Variants in TOX2 observed in about 807,000 individuals in gnomAD.
TOX2 encodes the protein TOX high mobility group box family member 2.
A neutral mutation model predicts 47.4 loss-of-function variants in TOX2; 15 were observed. That is an observed-to-expected ratio of 0.32 (90% confidence interval 0.21 to 0.49). The LOEUF is 0.49. TOX2 is among the 20% of genes least tolerant of loss of function. The probability of loss-of-function intolerance (pLI) is 0.99; values close to 1 mark genes in which losing one functional copy is unlikely to be tolerated. For missense variants in TOX2, 622 were observed against 673.1 expected (o/e 0.92, Z 0.84); for synonymous variants, 290 against 296.6 (o/e 0.98, Z 0.23).
chr20:43,999,331 A>T (rs955302356), intron 2 of TOX2, among the ~76,000 whole-genome samples: 2 of 152,034 alleles, frequency 1.3e-5, no homozygotes, highest in African/African-American at 2.4e-5. Context: ...AATGGTGTAA[A>T]ATTTTTGCTT....
At chr20:44,034,243 T>C (rs950406116) in intron 3 of TOX2, among the ~76,000 whole-genome samples, 3 of 152,076 alleles carry the variant, frequency 2.0e-5, no homozygotes, top group African/African-American at 7.2e-5. Flanking sequence ...AGTTCAGTTT[T>C]TTTTTTTCCT....
intron 3 of TOX2, among the ~76,000 whole-genome samples, chr20:44,032,321 T>A (rs903683755): frequency 7.9e-5 from 12 of 152,198 alleles, no homozygotes; most frequent in Non-Finnish European, 5.9e-5. Context: ...CCCTGTGCAT[T>A]GCAGGATGTT....
rs565547415 is a variant in TOX2 at position 43,960,011 on chromosome 20, G to T, written c.100-13356G>T. On this transcript the variant is annotated intron_variant, in intron 1 of 8. Transcript: ENST00000341197. ...CTTCATTCCACCCCTTCCTAGCTGT[G>T]TGGCCTTGGGCAAGCTACATAACCT... Among the ~76,000 whole-genome samples, 8 of 152,280 alleles carry T rather than the reference G, an allele frequency of 5.3e-5. No individual in the cohort carries two copies. The South Asian group carries it at 1.7e-3, about 32-fold the overall frequency.
At chr20:43,984,041 A>G (rs1309840382) in intron 2 of TOX2, among the ~76,000 whole-genome samples, 1 of 152,188 alleles carries the variant, frequency 6.6e-6, no homozygotes, top group Non-Finnish European at 1.5e-5. Flanking sequence ...GCTTTAATTA[A>G]AACCTGGGTG....
chr20:44,061,963 A>T (rs2145788447), intron 5 of TOX2, among the ~76,000 whole-genome samples: 1 of 138,142 alleles, frequency 7.2e-6, no homozygotes, highest in East Asian at 2.0e-4. Context: ...ATCGGCATAG[A>T]AGGGACATAC....
At position 43,939,545 on chromosome 20, in the gene TOX2, C is replaced by T. The variant is rs183884680; in HGVS notation, c.99+24555C>T. ...AGGACGGATGCCAAGACTAGTGAGG[C>T]ATTTTAACAACATGAGGCTGGAATG... is the stretch of plus-strand genomic sequence containing the variant. On this transcript the variant is annotated intron_variant, in intron 1 of 8. Coordinates refer to ENST00000341197, the MANE Select transcript of TOX2 (RefSeq NM_001098797.2). 3.3e-5 allele frequency among the ~76,000 whole-genome samples: 5 copies of T among 152,272 alleles called. No individual in the cohort carries two copies. The East Asian group carries it at 9.7e-4, about 29-fold the overall frequency.
intron 2 of TOX2, among the ~76,000 whole-genome samples, chr20:44,005,154 T>G (rs76567317): frequency 1.3e-5 from 2 of 152,240 alleles, no homozygotes; most frequent in African/African-American, 2.4e-5. Context: ...GCCTTTGATA[T>G]GCTTCCTCTG....
chr20:43,980,588 T>C (rs2070153337), intron 2 of TOX2, among the ~76,000 whole-genome samples: 1 of 152,226 alleles, frequency 6.6e-6, no homozygotes, highest in Admixed American at 6.5e-5. Flanking sequence ...ACTTATTGCA[T>C]GCCTGTATCA....
At chr20:44,016,201 AC>A (rs1163664654) in intron 3 of TOX2, among the ~76,000 whole-genome samples, 2 of 151,902 alleles carry the variant, frequency 1.3e-5, no homozygotes, top group African/African-American at 4.8e-5. Context: ...TTCTCCCAGC[AC>A]CCTTTAAGGT....
At chr20:44,029,532 A>G (rs2071116851) in intron 3 of TOX2, among the ~76,000 whole-genome samples, 1 of 152,184 alleles carries the variant, frequency 6.6e-6, no homozygotes, top group African/African-American at 2.4e-5. Flanking sequence ...AGGTGGAAAC[A>G]GCAGCAGCGA....
At chr20:43,980,391 A>AG (rs940800283) in intron 2 of TOX2, among the ~76,000 whole-genome samples, 5 of 152,188 alleles carry the variant, frequency 3.3e-5, no homozygotes, top group African/African-American at 7.2e-5. Context: ...AGTGGGGCAG[A>AG]GGGGGGACAT....
intron 1 of TOX2, among the ~76,000 whole-genome samples, chr20:43,951,728 T>TTTTTTTTTTTTTTTTTTTTTTTTTTTGTG: frequency 6.9e-6 from 1 of 144,040 alleles, no homozygotes; most frequent in South Asian, 2.3e-4. Flanking sequence ...TTTTTTTTTT[T>TTTTTTTTTTTTTTTTTTTTTTTTTTTGTG]AGAGAAAGGG....
At chr20:44,065,336 C>A (rs915494382) in intron 6 of TOX2, among the ~76,000 whole-genome samples, 2 of 152,168 alleles carry the variant, frequency 1.3e-5, no homozygotes, top group African/African-American at 4.8e-5. Context: ...GAAGAGATGG[C>A]ATCCAAACTG....
At chr20:43,925,354 C>T (rs552047779) in intron 1 of TOX2, among the ~76,000 whole-genome samples, 3 of 151,998 alleles carry the variant, frequency 2.0e-5, no homozygotes, top group African/African-American at 7.2e-5. Flanking sequence ...TAGAAACGCT[C>T]TGTGTGTGGT....
At chr20:43,973,236 G>A (rs2070009027) in intron 1 of TOX2, 131 bp from the exon 2 acceptor site, 1 of 822,166 alleles carries the variant, frequency 1.2e-6, no homozygotes, top group Admixed American at 2.3e-5. Flanking sequence ...GGGCATCCTG[G>A]GCTCTGATTT....
chr20:43,961,337 C>G (rs1010155847), intron 1 of TOX2, among the ~76,000 whole-genome samples: 1 of 151,992 alleles, frequency 6.6e-6, no homozygotes, highest in African/African-American at 2.4e-5. Flanking sequence ...GGGATGGGCG[C>G]GTGATGGGTG....
intron 2 of TOX2, among the ~76,000 whole-genome samples, chr20:44,004,997 G>A (rs1481567574): frequency 6.6e-6 from 1 of 152,118 alleles, no homozygotes; most frequent in Non-Finnish European, 1.5e-5. Flanking sequence ...TCAAGATGCT[G>A]GATATGCCAA....
chr20:43,976,140 T>C (rs980578017), intron 2 of TOX2, among the ~76,000 whole-genome samples: 5 of 152,252 alleles, frequency 3.3e-5, no homozygotes, highest in African/African-American at 1.2e-4. Flanking sequence ...TATCCGTTAG[T>C]TTTTCCTGCA....
chr20:44,035,905 C>T (rs867371813), intron 3 of TOX2, among the ~76,000 whole-genome samples: 3 of 152,236 alleles, frequency 2.0e-5, no homozygotes, highest in South Asian at 2.1e-4. Flanking sequence ...CTTGAACCAA[C>T]GTGCATTGCT....
Sources: gnomAD v4.1 joint callset for allele counts (sites outside exome capture counted in the v4.1 genomes callset) on GRCh38, gnomAD v4.1.1 for gene constraint, MANE v1.5 for transcripts, NCBI Gene and HGNC (gene_info 2026-07-23, HGNC 2026-07-21) for gene names.